CTNNA3: variants seen among roughly 807,000 people sequenced by gnomAD.
The protein encoded by CTNNA3 is catenin alpha-3.
Under a neutral mutation model 95.7 loss-of-function variants are expected in CTNNA3, and 76 were observed. That is an observed-to-expected ratio of 0.79 (90% CI 0.66 to 0.96). CTNNA3 has a LOEUF of 0.96. Ranked by LOEUF, CTNNA3 falls within the 40% of genes least tolerant of loss-of-function variation. CTNNA3 has a pLI of 0.00. For missense variants in CTNNA3, 1,191 were observed against 1,089.8 expected, an observed-to-expected ratio of 1.09 and a Z score of -1.31; for synonymous variants, 431 against 374.4, an observed-to-expected ratio of 1.15 and a Z score of -1.74.
intron 1 of CTNNA3, among the ~76,000 whole-genome samples, chr10:67,738,895 A>C (rs896418970): frequency 6.6e-6 from 1 of 152,186 alleles, no homozygotes; most frequent in African/African-American, 2.4e-5. Flanking sequence ...TTAGAGAAAA[A>C]AGAATAAAAA....
intron 7 of CTNNA3, among the ~76,000 whole-genome samples, chr10:66,855,538 A>G (rs1843656118): frequency 6.6e-6 from 1 of 151,918 alleles, no homozygotes; most frequent in Non-Finnish European, 1.5e-5. Context: ...TGTTTGTCCA[A>G]AGACCCATTT....
At chr10:67,533,742 G>T (rs182689066) in intron 4 of CTNNA3, among the ~76,000 whole-genome samples, 2 of 152,158 alleles carry the variant, frequency 1.3e-5, no homozygotes, top group African/African-American at 4.8e-5. Context: ...CCTTGTAAAT[G>T]TTCTATTGTA....
intron 7 of CTNNA3, among the ~76,000 whole-genome samples, chr10:66,978,961 T>G (rs1416419349): frequency 0.015 from 581 of 38,052 alleles, 6 homozygotes; most frequent in African/African-American, 0.037. Context: ...ACTTATTTCC[T>G]TTTTTTTTTT....
At chr10:67,021,627 G>T (rs1853022572) in intron 7 of CTNNA3, among the ~76,000 whole-genome samples, 1 of 152,086 alleles carries the variant, frequency 6.6e-6, no homozygotes, top group East Asian at 1.9e-4. Flanking sequence ...GAATAAAATT[G>T]TATCTATACT....
Position 66,254,847 on chromosome 10 carries a change from G to A in CTNNA3, c.1884+25623C>T, listed in dbSNP as rs1054573229. ...TCTGTCTGTCTCTGCCCTTGGGGCC[G>A]AGAAACTGGCCAGGGTTCTTTTCCA... On this transcript the variant is annotated intron_variant, in intron 13 of 17. Coordinates refer to ENST00000433211, the MANE Select transcript of CTNNA3 (RefSeq NM_013266.4). Among the ~76,000 whole-genome samples, 8 of 152,182 alleles carry A rather than the reference G, an allele frequency of 5.3e-5. No individual in the cohort carries two copies. The East Asian group carries it at 9.6e-4, about 18-fold the overall frequency.
chr10:67,023,332 C>G (rs921751816), intron 7 of CTNNA3, among the ~76,000 whole-genome samples: 4 of 152,086 alleles, frequency 2.6e-5, no homozygotes, highest in African/African-American at 9.7e-5. Flanking sequence ...AGACATTCCT[C>G]CATGAAAAGT....
At chr10:67,527,322 T>C (rs1469294640) in intron 4 of CTNNA3, among the ~76,000 whole-genome samples, 2 of 152,112 alleles carry the variant, frequency 1.3e-5, no homozygotes, top group Non-Finnish European at 2.9e-5. Flanking sequence ...AATCAGCAGT[T>C]TACAAATGGA....
chr10:67,228,934 T>A (rs1023964408), intron 5 of CTNNA3, among the ~76,000 whole-genome samples: 4 of 151,958 alleles, frequency 2.6e-5, no homozygotes, highest in Admixed American at 1.3e-4. Flanking sequence ...TTCCACAAGA[T>A]AGAGAAAGAA....
chr10:66,852,815 A>G (rs1843543978), intron 7 of CTNNA3, among the ~76,000 whole-genome samples: 1 of 148,914 alleles, frequency 6.7e-6, no homozygotes, highest in Non-Finnish European at 1.5e-5. Context: ...TTATGAATTA[A>G]AAAAAACTTC....
rs549339302 is a variant in CTNNA3, at chr10:65,981,601, T to C, written c.2265+7091A>G. ...CACATTACTTGACTTCAAACTATAT[T>C]ATAAGGCCATAGTCACCAAAACAGC... On this transcript the variant is annotated intron_variant, in intron 16 of 17. Coordinates refer to ENST00000433211, the MANE Select transcript of CTNNA3 (RefSeq NM_013266.4). Among the ~76,000 whole-genome samples the C allele has an allele frequency of 1.3e-4, 20 of 152,074 alleles. No homozygotes were observed. The South Asian group carries it at 2.5e-3, about 19-fold the overall frequency.
intron 11 of CTNNA3, among the ~76,000 whole-genome samples, chr10:66,394,138 A>G (rs2092955536): frequency 6.6e-6 from 1 of 152,018 alleles, no homozygotes; most frequent in Non-Finnish European, 1.5e-5. Flanking sequence ...TCATCTATGC[A>G]TTTTAGAAGG....
intron 13 of CTNNA3, among the ~76,000 whole-genome samples, chr10:66,131,365 C>T (rs1361818097): frequency 6.6e-6 from 1 of 152,130 alleles, no homozygotes; most frequent in Non-Finnish European, 1.5e-5. Context: ...ACTAACCCAC[C>T]ACAATCAAGA....
chr10:67,679,292 C>A (rs752713174), intron 1 of CTNNA3, among the ~76,000 whole-genome samples: 2 of 152,122 alleles, frequency 1.3e-5, no homozygotes, highest in Non-Finnish European at 2.9e-5. Flanking sequence ...CCAAAAGAAC[C>A]TGCCCCCTAG....
chr10:67,266,815 A>G, intron 5 of CTNNA3, among the ~76,000 whole-genome samples: 1 of 152,230 alleles, frequency 6.6e-6, no homozygotes, highest in East Asian at 1.9e-4. Flanking sequence ...CTTCAAATGT[A>G]TCACCACAAG....
intron 5 of CTNNA3, among the ~76,000 whole-genome samples, chr10:67,412,881 A>G (rs1845416479): frequency 6.6e-6 from 1 of 152,106 alleles, no homozygotes; most frequent in Non-Finnish European, 1.5e-5. Flanking sequence ...ATTCAAAAGA[A>G]TGACACCTGC....
intron 13 of CTNNA3, among the ~76,000 whole-genome samples, chr10:66,119,368 T>C (rs1343654397): frequency 6.6e-6 from 1 of 152,216 alleles, no homozygotes; most frequent in Non-Finnish European, 1.5e-5. Flanking sequence ...GTGTTCAGTT[T>C]GGTTTGTTTT....
intron 13 of CTNNA3, among the ~76,000 whole-genome samples, chr10:66,149,847 C>G (rs1228116979): frequency 1.3e-5 from 2 of 151,462 alleles, no homozygotes; most frequent in Admixed American, 6.6e-5. Flanking sequence ...ATTATTATAG[C>G]AAAAAAAATT....
At chr10:66,101,593 C>G (rs1446776876) in intron 14 of CTNNA3, among the ~76,000 whole-genome samples, 1 of 152,060 alleles carries the variant, frequency 6.6e-6, no homozygotes, top group Non-Finnish European at 1.5e-5. Context: ...TGAGAAAATA[C>G]TTAGCGCACT....
intron 9 of CTNNA3, among the ~76,000 whole-genome samples, chr10:66,737,938 T>C (rs1849201708): frequency 6.6e-6 from 1 of 152,204 alleles, no homozygotes; most frequent in Non-Finnish European, 1.5e-5. Context: ...ATTACAGGCA[T>C]GAGCCATCGC....
Sources: gnomAD v4.1 joint callset for allele counts (sites outside exome capture counted in the v4.1 genomes callset) on GRCh38, gnomAD v4.1.1 for gene constraint, MANE v1.5 for transcripts, NCBI Gene and HGNC (gene_info 2026-07-23, HGNC 2026-07-21) for gene names.